Variants in TACR1 observed in about 807,000 individuals in gnomAD.
TACR1 encodes substance-P receptor.
TACR1 carries 25 observed loss-of-function variants against 35.8 expected under a neutral mutation model. The observed-to-expected ratio is 0.70, with a 90% CI of 0.51 to 0.98. The LOEUF is 0.98. TACR1 is among the 50% of genes least tolerant of loss of function. The probability of loss-of-function intolerance (pLI) is 0.00; values close to 1 mark genes in which losing one functional copy is unlikely to be tolerated. For missense variants in TACR1, 478 were observed against 522.9 expected (o/e 0.91, Z 0.84); for synonymous variants, 195 against 206.7 (o/e 0.94, Z 0.48).
chr2:75,113,648 C>T lies in TACR1; in HGVS notation c.584+6926G>A, dbSNP rs112082612. Among the ~76,000 whole-genome samples, 450 of 150,358 alleles carry T rather than the reference C, an allele frequency of 3.0e-3. 2 individuals are homozygous for T. Among genetic ancestry groups the T allele is most frequent in the African/African-American group, 0.01 (425 of 40,712 alleles). On this transcript the variant is annotated intron_variant, in intron 2 of 4. Coordinates refer to ENST00000305249, the MANE Select transcript of TACR1 (RefSeq NM_001058.4). The stretch of plus-strand genomic sequence containing the variant: ...CCCTGCAGTGTCAATGCACTTTTCC[C>T]TCTCCATTTAATTGCTTTTCATCAA...
At chr2:75,092,121 T>C (rs1241642401) in intron 2 of TACR1, among the ~76,000 whole-genome samples, 1 of 152,210 alleles carries the variant, frequency 6.6e-6, no homozygotes, top group East Asian at 1.9e-4. Context: ...CACACACTAG[T>C]GAGCAGCAGA....
intron 1 of TACR1, among the ~76,000 whole-genome samples, chr2:75,123,236 G>A (rs995821994): frequency 6.8e-6 from 1 of 146,894 alleles, no homozygotes; most frequent in African/African-American, 2.5e-5. Flanking sequence ...TGCATTCTCA[G>A]GCTTCACAGG....
chr2:75,101,683 C>T (rs570388585), intron 2 of TACR1, among the ~76,000 whole-genome samples: 1 of 152,236 alleles, frequency 6.6e-6, no homozygotes, highest in South Asian at 2.1e-4. Context: ...CACGGTGGCT[C>T]ACACCTGTAA....
intron 1 of TACR1, among the ~76,000 whole-genome samples, chr2:75,149,657 T>C (rs1258973864): frequency 1.3e-5 from 2 of 152,210 alleles, no homozygotes; most frequent in South Asian, 2.1e-4. Flanking sequence ...GTTGGGGTTT[T>C]CTAAATATAC....
At chr2:75,078,774 T>G (rs1673026111) in intron 2 of TACR1, among the ~76,000 whole-genome samples, 1 of 144,140 alleles carries the variant, frequency 6.9e-6, no homozygotes, top group Non-Finnish European at 1.5e-5. Context: ...TATTCCAGGT[T>G]TATTTATTCC....
At chr2:75,198,450 T>C in intron 1 of TACR1, 96 bp downstream of exon 1, 1 of 1,428,580 alleles carries the variant, frequency 7.0e-7, no homozygotes, top group South Asian at 1.4e-5. Flanking sequence ...TGGCCAATCT[T>C]CCACTTGACC....
chr2:75,093,739 TAATATA>T (rs1466681635), intron 2 of TACR1, among the ~76,000 whole-genome samples: 18 of 152,250 alleles, frequency 1.2e-4, no homozygotes, highest in African/African-American at 4.1e-4. Context: ...TAAATAAGAA[TAATATA>T]TATTATTCTT....
intron 1 of TACR1, among the ~76,000 whole-genome samples, chr2:75,194,995 T>C (rs1675930242): frequency 6.6e-6 from 1 of 152,092 alleles, no homozygotes; most frequent in Admixed American, 6.5e-5. Flanking sequence ...CAGAGCATCA[T>C]AATAGAACCA....
intron 2 of TACR1, among the ~76,000 whole-genome samples, chr2:75,060,253 C>G (rs999183574): frequency 6.6e-6 from 1 of 152,018 alleles, no homozygotes; most frequent in African/African-American, 2.4e-5. Context: ...AGGAGAGGCA[C>G]GAGTGAGCCT....
chr2:75,115,084 C>CGT (rs3079164), intron 2 of TACR1, among the ~76,000 whole-genome samples: 8,978 of 148,686 alleles, frequency 0.06, 398 homozygotes, highest in African/African-American at 0.13. Context: ...TGTTAACATA[C>CGT]GTGTGTGTGT....
chr2:75,061,630 C>T (rs1672675770), intron 2 of TACR1, among the ~76,000 whole-genome samples: 1 of 152,180 alleles, frequency 6.6e-6, no homozygotes, highest in Admixed American at 6.5e-5. Context: ...CCATCAACTG[C>T]ATCCAGACAT....
chr2:75,133,838 G>A (rs1285788559), intron 1 of TACR1, among the ~76,000 whole-genome samples: 1 of 152,182 alleles, frequency 6.6e-6, no homozygotes, highest in East Asian at 1.9e-4. Context: ...AAATCACAGG[G>A]TGACATAAGA....
At chr2:75,184,108 TAGTA>T (rs1369566248) in intron 1 of TACR1, among the ~76,000 whole-genome samples, 1 of 152,186 alleles carries the variant, frequency 6.6e-6, no homozygotes, top group African/African-American at 2.4e-5. Flanking sequence ...AATGAAATGT[TAGTA>T]AGTAAATCTA....
At chr2:75,110,860 A>G (rs1003025364) in intron 2 of TACR1, among the ~76,000 whole-genome samples, 2 of 152,052 alleles carry the variant, frequency 1.3e-5, no homozygotes, top group Non-Finnish European at 2.9e-5. Context: ...ATTCAAATCA[A>G]CTACACATTT....
intron 1 of TACR1, chr2:75,190,010 T>A (rs534141047): frequency 2.6e-4 from 40 of 152,330 alleles, no homozygotes; most frequent in South Asian, 8.3e-4. Context: ...TGTTTAAAGA[T>A]TTATTGAGCT....
chr2:75,153,528 GAGCA>G (rs1674721607), intron 1 of TACR1, among the ~76,000 whole-genome samples: 1 of 152,222 alleles, frequency 6.6e-6, no homozygotes, highest in South Asian at 2.1e-4. Flanking sequence ...AAGGGAAGCA[GAGCA>G]TAAGGTCTGA....
intron 2 of TACR1, among the ~76,000 whole-genome samples, chr2:75,092,385 A>G (rs1041140376): frequency 1.3e-5 from 2 of 152,290 alleles, no homozygotes; most frequent in Non-Finnish European, 2.9e-5. Flanking sequence ...CCTGCCAGTT[A>G]ATAGGACTTA....
At chr2:75,148,367 C>T (rs1674594234) in intron 1 of TACR1, among the ~76,000 whole-genome samples, 1 of 152,176 alleles carries the variant, frequency 6.6e-6, no homozygotes, top group South Asian at 2.1e-4. Flanking sequence ...TTCTCCACAG[C>T]CTCTCCAGCA....
intron 1 of TACR1, among the ~76,000 whole-genome samples, chr2:75,179,086 A>G (rs552399921): frequency 4.6e-5 from 7 of 152,172 alleles, no homozygotes; most frequent in South Asian, 2.1e-4. Flanking sequence ...TCTACTGCCT[A>G]TCTCAAACTT....
Sources: gnomAD v4.1 joint callset for allele counts (sites outside exome capture counted in the v4.1 genomes callset) on GRCh38, gnomAD v4.1.1 for gene constraint, MANE v1.5 for transcripts, NCBI Gene and HGNC (gene_info 2026-07-23, HGNC 2026-07-21) for gene names.